The following DTNB variants were observed in gnomAD, a reference collection of about 807,000 sequenced individuals.
DTNB encodes the protein dystrobrevin beta.
In DTNB, 63 loss-of-function variants were observed where a neutral mutation model predicts 90.7. That is an observed-to-expected ratio of 0.69 (90% CI 0.57 to 0.86). The LOEUF (loss-of-function observed/expected upper bound fraction) is 0.86, where lower values mean the gene tolerates loss of function less well. DTNB is among the 40% of genes least tolerant of loss of function. DTNB has a pLI of 0.00. For synonymous variants in DTNB, 277 were observed against 286.7 expected, an observed-to-expected ratio of 0.97 and a Z score of 0.34; for missense variants, 744 against 807.1, an observed-to-expected ratio of 0.92 and a Z score of 0.95.
intron 2 of DTNB, among the ~76,000 whole-genome samples, chr2:25,640,119 T>C (rs756018326): frequency 3.9e-5 from 6 of 152,194 alleles, no homozygotes; most frequent in Non-Finnish European, 5.9e-5. Context: ...AAGCGATATA[T>C]GGCCAGAGTA....
At chr2:25,635,997 T>C (rs1259106937) in intron 3 of DTNB, among the ~76,000 whole-genome samples, 2 of 152,156 alleles carry the variant, frequency 1.3e-5, no homozygotes, top group East Asian at 1.9e-4. Flanking sequence ...GCCATGAACA[T>C]TCTTGTACAG....
intron 9 of DTNB, among the ~76,000 whole-genome samples, chr2:25,484,080 A>AGCCTAGGCTACACCATACG (rs527324570): frequency 8.4e-4 from 128 of 152,250 alleles, no homozygotes; most frequent in South Asian, 5.0e-3. Flanking sequence ...TACACCATAT[A>AGCCTAGGCTACACCATACG]GCCTAGGCTA....
intron 6 of DTNB, among the ~76,000 whole-genome samples, chr2:25,584,061 T>A (rs1337686728): frequency 6.6e-6 from 1 of 152,210 alleles, no homozygotes; most frequent in Non-Finnish European, 1.5e-5. Context: ...AGTTTTCTCA[T>A]CTTTCAAGGG....
In DTNB at chr2:25,377,472, G is replaced by C. The variant is rs1055315672; in HGVS notation, c.*111C>G. 1.3e-5 allele frequency: 2 copies of C among 152,804 alleles called. No individual in the cohort carries two copies. Among genetic ancestry groups the C allele is most frequent in the African/African-American group, 4.8e-5 (2 of 41,472 alleles). The allele number at this position is 152,804 out of a possible 1,614,324, so 9.5% of individuals were successfully genotyped here. ...TGCAAGCCTGGTCCAGGTGTGCGGT[G>C]GAAAGATGGAGAGGAATGTGCCTCT... On this transcript the variant is annotated 3_prime_UTR_variant, in exon 21 of 21. Coordinates refer to ENST00000406818, the MANE Select transcript of DTNB (RefSeq NM_021907.5).
At chr2:25,551,858 T>C (rs2083726513) in intron 8 of DTNB, among the ~76,000 whole-genome samples, 1 of 152,222 alleles carries the variant, frequency 6.6e-6, no homozygotes, top group Non-Finnish European at 1.5e-5. Context: ...TACACTTTGT[T>C]TTCTTTTACT....
chr2:25,486,576 T>C (rs2066210034), intron 9 of DTNB, among the ~76,000 whole-genome samples: 1 of 149,042 alleles, frequency 6.7e-6, no homozygotes, highest in African/African-American at 2.5e-5. Context: ...AAGGCTGCAG[T>C]GAGCTGTGAT....
intron 9 of DTNB, among the ~76,000 whole-genome samples, chr2:25,504,882 G>A (rs147741064): frequency 4.9e-4 from 74 of 152,142 alleles, no homozygotes; most frequent in African/African-American, 8.9e-4. Context: ...ACATGGAAAC[G>A]CAACAGACAT....
rs769191303 is a variant in DTNB at position 25,628,166 on chromosome 2, C to T, written c.362+5G>A. The T allele has an allele frequency of 3.0e-5, 48 of 1,613,116 alleles. No homozygotes were observed. Among genetic ancestry groups the T allele is most frequent in the Admixed American group, 3.3e-5 (2 of 59,994 alleles). ...AGTAAGCGTGTAAGGTAAGGTACTA[C>T]TAGCCTGTCATATGCAGCAATCATA... is the stretch of plus-strand genomic sequence containing the variant. On this transcript the variant is annotated splice_donor_5th_base_variant and intron_variant, in intron 4 of 20. Transcript: ENST00000406818.
chr2:25,661,401 GA>G (rs1300200007), intron 1 of DTNB, among the ~76,000 whole-genome samples: 1 of 152,148 alleles, frequency 6.6e-6, no homozygotes, highest in Non-Finnish European at 1.5e-5. Flanking sequence ...AACAAAAATG[GA>G]AAACAAATAC....
intron 20 of DTNB, 49 bp downstream of exon 20, chr2:25,379,241 G>T: frequency 7.7e-7 from 1 of 1,303,240 alleles, no homozygotes; most frequent in East Asian, 2.9e-5. Flanking sequence ...GGAAGATGCT[G>T]AGGAAGGAGG....
At chr2:25,573,350 G>C (rs757376883) in intron 8 of DTNB, among the ~76,000 whole-genome samples, 1 of 152,178 alleles carries the variant, frequency 6.6e-6, no homozygotes, top group South Asian at 2.1e-4. Context: ...CTGATAATCA[G>C]CCAAGAAAAA....
At chr2:25,402,493 T>G (rs1156863458) in intron 16 of DTNB, among the ~76,000 whole-genome samples, 1 of 152,120 alleles carries the variant, frequency 6.6e-6, no homozygotes. Flanking sequence ...GAAAGTGGAG[T>G]CTTTTAAAGA....
chr2:25,444,121 A>G (rs1298448437), intron 12 of DTNB, among the ~76,000 whole-genome samples: 1 of 152,240 alleles, frequency 6.6e-6, no homozygotes. Context: ...AGGGAAAAAA[A>G]ACCCTTAAAG....
intron 2 of DTNB, among the ~76,000 whole-genome samples, chr2:25,650,391 C>T (rs1018590405): frequency 1.3e-5 from 2 of 152,144 alleles, no homozygotes; most frequent in African/African-American, 4.8e-5. Context: ...GAAAAGATGA[C>T]CCCTATGCTG....
intron 10 of DTNB, among the ~76,000 whole-genome samples, chr2:25,475,663 A>G (rs1020215453): frequency 6.6e-6 from 1 of 152,224 alleles, no homozygotes; most frequent in African/African-American, 2.4e-5. Flanking sequence ...AGCTAGAGAG[A>G]AGAAGTCAAT....
intron 4 of DTNB, among the ~76,000 whole-genome samples, chr2:25,619,808 G>A (rs939137848): frequency 3.9e-5 from 6 of 152,108 alleles, no homozygotes; most frequent in Admixed American, 3.3e-4. Context: ...TTGAGAGGCC[G>A]AGGTGGGCAG....
chr2:25,445,249 C>T (rs554969520), intron 12 of DTNB, among the ~76,000 whole-genome samples: 2 of 145,986 alleles, frequency 1.4e-5, no homozygotes, highest in Non-Finnish European at 3.1e-5. Context: ...TCTAAAATAC[C>T]TAGAGCAGTT....
chr2:25,469,708 C>G (rs991431387), intron 10 of DTNB, among the ~76,000 whole-genome samples: 4 of 152,166 alleles, frequency 2.6e-5, no homozygotes, highest in Admixed American at 2.0e-4. Context: ...TCCCAAAGTG[C>G]TGGCATTACA....
At position 25,589,367 on chromosome 2, in the gene DTNB, C is replaced by CTCTTTTTTT. The variant is rs2063078912; in HGVS notation, c.603+6718_603+6719insAAAAAAAGA. Among the ~76,000 whole-genome samples the CTCTTTTTTT allele has an allele frequency of 1.9e-4, 11 of 57,554 alleles. 1 individual carries two copies. Among genetic ancestry groups the CTCTTTTTTT allele is most frequent in the Non-Finnish European group, 2.7e-4 (9 of 33,602 alleles). 37.8% of individuals were successfully genotyped at this position (57,554 alleles called of 152,430 possible). A position where few individuals can be genotyped will look rare whatever the true frequency, so the allele number is the denominator to read the frequency against. Reference sequence around the variant, plus strand: ...GCTTATTCAGGTTTCTTTTTCTTTTCTTTTTTTTTTTTTTTTTTTTTTTTT... The same window carrying CTCTTTTTTT: ...GCTTATTCAGGTTTCTTTTTCTTTTCTCTTTTTTTTTTTTTTTTTTTTTTTTTTTTTTTT... On this transcript the variant is annotated intron_variant, in intron 6 of 20. Transcript: ENST00000406818.
Sources: gnomAD v4.1 joint callset for allele counts (sites outside exome capture counted in the v4.1 genomes callset) on GRCh38, gnomAD v4.1.1 for gene constraint, MANE v1.5 for transcripts, NCBI Gene and HGNC (gene_info 2026-07-23, HGNC 2026-07-21) for gene names.